The following PDE10A variants were observed in gnomAD, a reference collection of about 807,000 sequenced individuals.
PDE10A encodes the protein phosphodiesterase 10A, also known as cAMP and cAMP-inhibited cGMP 3',5'-cyclic phosphodiesterase 10A.
A neutral mutation model predicts 97.7 loss-of-function variants in PDE10A; 39 were observed. The observed-to-expected ratio is 0.40, with a 90% CI of 0.31 to 0.52. PDE10A has a LOEUF of 0.52. Ranked by LOEUF, PDE10A falls within the 20% of genes least tolerant of loss-of-function variation. PDE10A has a pLI of 0.56. For missense variants in PDE10A, 731 were observed against 1,047.8 expected, an observed-to-expected ratio of 0.70 and a Z score of 4.17; for synonymous variants, 371 against 376.8, an observed-to-expected ratio of 0.98 and a Z score of 0.18.
intron 1 of PDE10A, among the ~76,000 whole-genome samples, chr6:165,694,710 A>AC (rs1308430797): frequency 6.6e-6 from 1 of 152,246 alleles, no homozygotes; most frequent in Admixed American, 6.5e-5. Flanking sequence ...TGTGTCAAAA[A>AC]AATTCACCCA....
intron 1 of PDE10A, among the ~76,000 whole-genome samples, chr6:165,634,934 C>A (rs570270303): frequency 6.6e-6 from 1 of 152,302 alleles, no homozygotes; most frequent in African/African-American, 2.4e-5. Context: ...TCCATGGGTC[C>A]CTGGCCTGTG....
At chr6:165,835,663 G>A (rs553167367) in intron 1 of PDE10A, among the ~76,000 whole-genome samples, 16 of 152,266 alleles carry the variant, frequency 1.1e-4, no homozygotes, top group African/African-American at 2.9e-4. Context: ...GGGTTGGTGT[G>A]AGAGGACCCT....
intron 18 of PDE10A, among the ~76,000 whole-genome samples, chr6:165,368,734 C>T (rs956179689): frequency 6.6e-6 from 1 of 152,168 alleles, no homozygotes; most frequent in Admixed American, 6.5e-5. Flanking sequence ...GTGGTTCTCC[C>T]AGCACGTAGC....
chr6:165,762,143 T>C (rs1156993471), intron 1 of PDE10A, among the ~76,000 whole-genome samples: 1 of 150,704 alleles, frequency 6.6e-6, no homozygotes, highest in African/African-American at 2.5e-5. Context: ...CAGTCATGAT[T>C]GCCTATCCAG....
chr6:165,735,568 C>G (rs1253580195), intron 1 of PDE10A, among the ~76,000 whole-genome samples: 1 of 152,042 alleles, frequency 6.6e-6, no homozygotes, highest in Non-Finnish European at 1.5e-5. Context: ...AATGATGTCC[C>G]TGTTTGAGTC....
At chr6:165,643,172 T>C (rs948196636) in intron 1 of PDE10A, among the ~76,000 whole-genome samples, 1 of 151,826 alleles carries the variant, frequency 6.6e-6, no homozygotes, top group African/African-American at 2.4e-5. Flanking sequence ...GGACGGATGG[T>C]GGGTAGATGT....
chr6:165,750,377 A>G (rs1449222998), intron 1 of PDE10A, among the ~76,000 whole-genome samples: 2 of 152,228 alleles, frequency 1.3e-5, no homozygotes, highest in East Asian at 3.8e-4. Context: ...CAAAAGTGCC[A>G]GCTCAGGGAG....
At chr6:165,409,938 T>A (rs1787608497) in intron 13 of PDE10A, among the ~76,000 whole-genome samples, 1 of 151,676 alleles carries the variant, frequency 6.6e-6, no homozygotes, top group Non-Finnish European at 1.5e-5. Flanking sequence ...ATCCAGGTAT[T>A]ATGATACCAC....
chr6:165,921,006 G>T (rs955293300), intron 1 of PDE10A, among the ~76,000 whole-genome samples: 2 of 152,140 alleles, frequency 1.3e-5, no homozygotes, highest in African/African-American at 2.4e-5. Context: ...TGGCTCCAAA[G>T]GTCTTGACTC....
At chr6:165,983,928 T>C (rs1321954065) in intron 1 of PDE10A, among the ~76,000 whole-genome samples, 2 of 152,220 alleles carry the variant, frequency 1.3e-5, no homozygotes, top group African/African-American at 2.4e-5. Flanking sequence ...TGCACAGCCG[T>C]GTATTCATAT....
At chr6:165,417,932 C>T (rs1021317442) in intron 11 of PDE10A, among the ~76,000 whole-genome samples, 2 of 152,170 alleles carry the variant, frequency 1.3e-5, no homozygotes, top group African/African-American at 4.8e-5. Flanking sequence ...ACACATACAG[C>T]AAAAGAAATG....
At chr6:165,380,205 A>G (rs370642382) in intron 17 of PDE10A, among the ~76,000 whole-genome samples, 3 of 152,378 alleles carry the variant, frequency 2.0e-5, no homozygotes, top group East Asian at 3.9e-4. Flanking sequence ...AGATGCAGTC[A>G]ATTTGCAGAT....
intron 1 of PDE10A, among the ~76,000 whole-genome samples, chr6:165,921,566 C>A (rs906420243): frequency 6.6e-6 from 1 of 152,180 alleles, no homozygotes; most frequent in Non-Finnish European, 1.5e-5. Context: ...CTGACATTTA[C>A]ACAGGCTGGG....
intron 1 of PDE10A, among the ~76,000 whole-genome samples, chr6:165,697,483 A>G (rs7751166): frequency 0.68 from 102,998 of 152,092 alleles, 35,840 homozygotes; most frequent in African/African-American, 0.84. Context: ...TGTCTTATGA[A>G]AAATACTAAA....
chr6:165,715,059 G>A (rs572819291), intron 1 of PDE10A, among the ~76,000 whole-genome samples: 101 of 152,382 alleles, frequency 6.6e-4, no homozygotes, highest in African/African-American at 2.3e-3. Context: ...GGGCCGCGAG[G>A]GTAGAGTATT....
intron 1 of PDE10A, among the ~76,000 whole-genome samples, chr6:165,957,989 G>C (rs1784189366): frequency 3.9e-5 from 6 of 152,184 alleles, no homozygotes; most frequent in Admixed American, 3.9e-4. Flanking sequence ...CAGTGGGTTT[G>C]ATCTCAAGCA....
At chr6:165,390,957 T>C (rs1785668685) in intron 16 of PDE10A, among the ~76,000 whole-genome samples, 1 of 152,220 alleles carries the variant, frequency 6.6e-6, no homozygotes, top group African/African-American at 2.4e-5. Flanking sequence ...TTCCATGTTA[T>C]ATGCTGCTGT....
chr6:165,489,722 T>C (rs1780117190), intron 2 of PDE10A, among the ~76,000 whole-genome samples: 1 of 151,778 alleles, frequency 6.6e-6, no homozygotes, highest in African/African-American at 2.4e-5. Flanking sequence ...AATGGAAAAA[T>C]CTCTAGTGAA....
At chr6:165,619,489 C>CTACTGTAGTG (rs1787986603) in intron 1 of PDE10A, among the ~76,000 whole-genome samples, 1 of 28,144 alleles carries the variant, frequency 3.6e-5, no homozygotes, top group African/African-American at 2.1e-4. Context: ...CTAGTGTAGT[C>CTACTGTAGTG]TAGTGTAGTC....
Sources: allele counts gnomAD v4.1 joint callset (sites outside exome capture counted in the v4.1 genomes callset), GRCh38; gene constraint gnomAD v4.1.1; transcripts MANE v1.5; gene names NCBI Gene and HGNC (gene_info 2026-07-23, HGNC 2026-07-21).